ADCY2: variants seen among roughly 807,000 people sequenced by gnomAD.
ADCY2 encodes adenylate cyclase type 2.
ADCY2 carries 31 observed loss-of-function variants against 125.2 expected under a neutral mutation model. That is an observed-to-expected ratio of 0.25 (90% CI 0.19 to 0.33). ADCY2 has a LOEUF of 0.33. ADCY2 is among the 10% of genes least tolerant of loss of function. ADCY2 has a pLI of 1.00. For synonymous variants in ADCY2, 512 were observed against 548.4 expected (o/e 0.93, Z 0.93); for missense variants, 904 against 1,418.2 (o/e 0.64, Z 5.82).
intron 3 of ADCY2, among the ~76,000 whole-genome samples, chr5:7,621,341 C>T (rs1410769473): frequency 1.3e-5 from 2 of 152,192 alleles, no homozygotes; most frequent in Non-Finnish European, 2.9e-5. Flanking sequence ...AAGCACTTTA[C>T]AGCATAAACA....
At chr5:7,501,130 T>TAA (rs1372706699) in intron 2 of ADCY2, among the ~76,000 whole-genome samples, 1 of 147,438 alleles carries the variant, frequency 6.8e-6, no homozygotes, top group African/African-American at 2.5e-5. Context: ...AAGCTTTTTT[T>TAA]TAAAAAAAAA....
At chr5:7,446,282 A>T (rs2126410163) in intron 2 of ADCY2, among the ~76,000 whole-genome samples, 1 of 152,298 alleles carries the variant, frequency 6.6e-6, no homozygotes, top group Non-Finnish European at 1.5e-5. Flanking sequence ...TATTTAAGAA[A>T]CTTGATTGTT....
At chr5:7,494,200 CCTG>C (rs939574603) in intron 2 of ADCY2, among the ~76,000 whole-genome samples, 4 of 152,122 alleles carry the variant, frequency 2.6e-5, no homozygotes, top group African/African-American at 9.7e-5. Flanking sequence ...AGGGGAATCA[CCTG>C]CTTCCTGCTG....
At chr5:7,623,461 G>A (rs1019780) in intron 3 of ADCY2, among the ~76,000 whole-genome samples, 129,906 of 152,226 alleles carry the variant, frequency 0.85, 55,835 homozygotes, top group African/African-American at 0.91. Flanking sequence ...GCCATTTTGC[G>A]GAAGCAAAGT....
intron 15 of ADCY2, among the ~76,000 whole-genome samples, chr5:7,746,009 C>T (rs1289381349): frequency 6.6e-6 from 1 of 152,230 alleles, no homozygotes; most frequent in Non-Finnish European, 1.5e-5. Context: ...GCCCTGCTGC[C>T]CCTCTCATAG....
At chr5:7,562,662 C>T (rs191646521) in intron 3 of ADCY2, among the ~76,000 whole-genome samples, 17 of 152,198 alleles carry the variant, frequency 1.1e-4, no homozygotes, top group Admixed American at 1.1e-3. Context: ...CACACACACA[C>T]ACGGCCTTAG....
At position 7,766,823 on chromosome 5, in the gene ADCY2, T is replaced by C; in HGVS notation, c.2214+17T>C. On this transcript the variant is annotated intron_variant, in intron 17 of 24. Transcript: ENST00000338316. Reference sequence around the variant, plus strand: ...TTCCTCCCGGTAAGAACATTGCAATTATGACTGCTTTGGTGGCTCTCCTGT... The same window carrying C: ...TTCCTCCCGGTAAGAACATTGCAATCATGACTGCTTTGGTGGCTCTCCTGT... 3 of 1,605,610 alleles carry C rather than the reference T, an allele frequency of 1.9e-6. No individual in the cohort carries two copies. Among genetic ancestry groups the C allele is most frequent in the Non-Finnish European group, 2.5e-6 (3 of 1,177,624 alleles).
chr5:7,664,033 T>A (rs934065715), intron 4 of ADCY2, among the ~76,000 whole-genome samples: 7 of 152,158 alleles, frequency 4.6e-5, no homozygotes, highest in African/African-American at 1.7e-4. Flanking sequence ...TCCTTTGAGC[T>A]CAAGCTGGAA....
Position 7,494,259 on chromosome 5 carries a change from G to A in ADCY2, c.409-26479G>A, listed in dbSNP as rs759843447. On this transcript the variant is annotated intron_variant, in intron 2 of 24. Transcript: ENST00000338316. The stretch of plus-strand genomic sequence containing the variant: ...GCCTCTGCAACCCAGTCTCACCAGG[G>A]CGGATAATCTTACTAAAACTCCAGT... Among the ~76,000 whole-genome samples, 3 of 152,116 alleles carry A rather than the reference G, an allele frequency of 2.0e-5. No homozygotes were observed. In the South Asian group the frequency reaches 6.2e-4, roughly 32 times the overall value.
At chr5:7,662,805 A>G (rs1739578058) in intron 4 of ADCY2, among the ~76,000 whole-genome samples, 1 of 152,228 alleles carries the variant, frequency 6.6e-6, no homozygotes, top group Non-Finnish European at 1.5e-5. Context: ...AGGGCTTTAC[A>G]GAAGGCAACA....
intron 14 of ADCY2, among the ~76,000 whole-genome samples, chr5:7,731,524 G>T (rs1742104348): frequency 6.6e-6 from 1 of 151,388 alleles, no homozygotes; most frequent in Non-Finnish European, 1.5e-5. Flanking sequence ...CAAAGTGCTG[G>T]GATTATAGGC....
chr5:7,813,953 TAAG>T (rs934492195), intron 22 of ADCY2, among the ~76,000 whole-genome samples: 2 of 151,904 alleles, frequency 1.3e-5, no homozygotes, highest in African/African-American at 4.8e-5. Flanking sequence ...TGCCTCCTAT[TAAG>T]GAGCAAGATG....
chr5:7,490,607 T>C (rs1193829955), intron 2 of ADCY2, among the ~76,000 whole-genome samples: 1 of 152,136 alleles, frequency 6.6e-6, no homozygotes, highest in Non-Finnish European at 1.5e-5. Flanking sequence ...AATCAGCACA[T>C]GTATTTCAAA....
intron 6 of ADCY2, among the ~76,000 whole-genome samples, chr5:7,696,719 C>A (rs1249254624): frequency 6.6e-6 from 1 of 152,184 alleles, no homozygotes; most frequent in Non-Finnish European, 1.5e-5. Flanking sequence ...AACATTCCAG[C>A]TGAGTCTCTT....
At chr5:7,692,800 C>T (rs983207926) in intron 5 of ADCY2, among the ~76,000 whole-genome samples, 1 of 152,110 alleles carries the variant, frequency 6.6e-6, no homozygotes, top group Non-Finnish European at 1.5e-5. Flanking sequence ...TTCCATAAAT[C>T]AAGTCTCTCC....
intron 3 of ADCY2, among the ~76,000 whole-genome samples, chr5:7,593,423 A>G (rs969742406): frequency 2.0e-5 from 3 of 152,202 alleles, no homozygotes; most frequent in African/African-American, 7.2e-5. Context: ...TTCGCATGCA[A>G]ACAGAAAAGG....
At chr5:7,551,629 T>G (rs1419498050) in intron 3 of ADCY2, among the ~76,000 whole-genome samples, 2 of 152,208 alleles carry the variant, frequency 1.3e-5, no homozygotes, top group African/African-American at 4.8e-5. Context: ...TACTAGTGAT[T>G]CCCAAGGGTT....
intron 2 of ADCY2, among the ~76,000 whole-genome samples, chr5:7,515,154 T>A (rs1206632364): frequency 6.6e-6 from 1 of 152,174 alleles, no homozygotes; most frequent in Non-Finnish European, 1.5e-5. Flanking sequence ...TTTTAAAAAA[T>A]TCAGCTCAGA....
chr5:7,396,736 A>G lies in ADCY2; in HGVS notation c.210+230A>G, dbSNP rs1281809178. Among the ~76,000 whole-genome samples, 2 of 151,638 alleles carry G rather than the reference A, an allele frequency of 1.3e-5. No homozygotes were observed. The highest frequency in any genetic ancestry group is 4.9e-5 in the African/African-American group (2 of 41,076). On this transcript the variant is annotated intron_variant, in intron 1 of 24. Coordinates refer to ENST00000338316, the MANE Select transcript of ADCY2 (RefSeq NM_020546.3). This position sits in a 1 kb window ranked among gnomAD's most constrained non-coding sequence, Gnocchi z 5.7. ...GTTTCCTGGGAAGGCTCTTCCCAAA[A>G]TAAAGTTCCCGAGGTGTTCACCAGG...
Sources: gnomAD v4.1 joint callset for allele counts (sites outside exome capture counted in the v4.1 genomes callset) on GRCh38, gnomAD v4.1.1 for gene constraint, Gnocchi (gnomAD v3.1) non-coding constraint, MANE v1.5 for transcripts, NCBI Gene and HGNC (gene_info 2026-07-23, HGNC 2026-07-21) for gene names.